The following SVOPL variants were observed in gnomAD, a reference collection of about 807,000 sequenced individuals.
SVOPL encodes the protein putative transporter SVOPL.
SVOPL carries 60 observed loss-of-function variants against 61.0 expected under a neutral mutation model. That is an observed-to-expected ratio of 0.98 (90% CI 0.80 to 1.22). The LOEUF is 1.22. Ranked by LOEUF, SVOPL falls within the 50% of genes most tolerant of loss-of-function variation. The probability of loss-of-function intolerance (pLI) is 0.00; values close to 1 mark genes in which losing one functional copy is unlikely to be tolerated. For synonymous variants in SVOPL, 279 were observed against 250.0 expected, an observed-to-expected ratio of 1.12 and a Z score of -1.09; for missense variants, 662 against 643.9, an observed-to-expected ratio of 1.03 and a Z score of -0.30.
chr7:138,695,382 C>G (rs1043815777), intron 1 of SVOPL, among the ~76,000 whole-genome samples: 3 of 152,110 alleles, frequency 2.0e-5, no homozygotes, highest in Admixed American at 2.0e-4. Context: ...TGTGGTGGAG[C>G]CCACCTGTAG....
intron 13 of SVOPL, among the ~76,000 whole-genome samples, chr7:138,622,592 C>T (rs914931146): frequency 6.6e-6 from 1 of 152,180 alleles, no homozygotes; most frequent in East Asian, 1.9e-4. Context: ...CAGGCGTGAG[C>T]CACCATGCCC....
intron 13 of SVOPL, among the ~76,000 whole-genome samples, chr7:138,623,531 T>C (rs982508527): frequency 4.6e-5 from 7 of 151,396 alleles, no homozygotes; most frequent in Admixed American, 6.6e-5. Context: ...ACCCGGGAGG[T>C]GGAGCTTGCA....
intron 1 of SVOPL, among the ~76,000 whole-genome samples, chr7:138,685,325 A>G (rs188801740): frequency 6.6e-6 from 1 of 152,334 alleles, no homozygotes; most frequent in Non-Finnish European, 1.5e-5. Flanking sequence ...AAATTAAACA[A>G]GCCAGGCACA....
intron 9 of SVOPL, among the ~76,000 whole-genome samples, chr7:138,639,368 T>C (rs1159208401): frequency 1.3e-5 from 2 of 152,092 alleles, no homozygotes; most frequent in Non-Finnish European, 2.9e-5. Flanking sequence ...GGCTCATGCC[T>C]GTAATCCCAG....
chr7:138,689,160 C>T (rs557021948), intron 1 of SVOPL: 14 of 977,162 alleles, frequency 1.4e-5, no homozygotes, highest in African/African-American at 4.8e-5. Context: ...CGTACCATTC[C>T]GATGTTACAA....
At chr7:138,662,404 G>A (rs866592754) in intron 5 of SVOPL, 8 of 985,426 alleles carry the variant, frequency 8.1e-6, no homozygotes, top group Middle Eastern at 1.0e-3. Context: ...CCAAAATTAA[G>A]GGAGACTTGC....
chr7:138,675,482 T>C (rs1302998227), intron 3 of SVOPL, among the ~76,000 whole-genome samples: 4 of 151,920 alleles, frequency 2.6e-5, no homozygotes, highest in Admixed American at 2.6e-4. Flanking sequence ...GCCTTCCGAG[T>C]AGCTGGGATT....
intron 14 of SVOPL, among the ~76,000 whole-genome samples, chr7:138,617,471 C>T (rs1659819): frequency 0.16 from 23,645 of 152,110 alleles, 2,289 homozygotes; most frequent in East Asian, 0.25. Context: ...AACTCATCTC[C>T]CAGTCCTCCC....
At chr7:138,661,815 C>T (rs1292275079) in intron 5 of SVOPL, 12 of 973,998 alleles carry the variant, frequency 1.2e-5, no homozygotes, top group South Asian at 4.7e-5. Context: ...GTATGACTTC[C>T]GAGCTGCAAT....
intron 9 of SVOPL, 72 bp from the exon 10 acceptor site, chr7:138,630,194 G>A (rs765800413): frequency 3.2e-6 from 4 of 1,262,466 alleles, no homozygotes; most frequent in Middle Eastern, 1.9e-4. Flanking sequence ...CACTGTTTTC[G>A]ATCATAGAAG....
At chr7:138,672,459 G>C (rs142691373) in intron 3 of SVOPL, among the ~76,000 whole-genome samples, 29 of 152,170 alleles carry the variant, frequency 1.9e-4, no homozygotes, top group African/African-American at 7.0e-4. Context: ...CTAGCTAACC[G>C]GCAGCATCCA....
intron 9 of SVOPL, among the ~76,000 whole-genome samples, chr7:138,637,475 G>GATATCT: frequency 7.1e-5 from 1 of 14,146 alleles, no homozygotes; most frequent in South Asian, 2.4e-3. Flanking sequence ...TATAGATATA[G>GATATCT]ATATAGATAT....
intron 1 of SVOPL, among the ~76,000 whole-genome samples, chr7:138,686,133 C>T (rs567320286): frequency 2.0e-5 from 3 of 149,080 alleles, no homozygotes; most frequent in East Asian, 2.0e-4. Flanking sequence ...CCAGGTGCCA[C>T]GGCTCACGCC....
At chr7:138,689,113 C>T (rs55840942) in intron 1 of SVOPL, 12 of 800,718 alleles carry the variant, frequency 1.5e-5, no homozygotes, top group African/African-American at 3.4e-5. Context: ...TGAAAAGCCA[C>T]GAAGTATCTG....
Position 138,624,940 on chromosome 7 carries a change from G to A in SVOPL, c.1263+1029C>T, listed in dbSNP as rs1030413606. On this transcript the variant is annotated intron_variant, in intron 13 of 15. Transcript: ENST00000674285. Reference sequence around the variant, plus strand: ...TGGTCTTGAACTCCTGGCTTCAGGTGATTCTCCCACCTCAGCCTCCCAAAT... The same window carrying A: ...TGGTCTTGAACTCCTGGCTTCAGGTAATTCTCCCACCTCAGCCTCCCAAAT... The A allele has an allele frequency of 3.9e-5, 6 of 152,162 alleles. No individual in the cohort carries two copies. In the East Asian group the frequency reaches 9.7e-4, roughly 25 times the overall value. The allele number at this position is 152,162 out of a possible 1,614,324, so 9.4% of individuals were successfully genotyped here. A position where few individuals can be genotyped will look rare whatever the true frequency, so the allele number is the denominator to read the frequency against.
intron 5 of SVOPL, chr7:138,660,492 T>C (rs1326760243): frequency 2.0e-5 from 20 of 986,024 alleles, no homozygotes; most frequent in Non-Finnish European, 2.4e-5. Flanking sequence ...CTTCTCTGTT[T>C]ATGAGAGAAA....
chr7:138,684,422 CA>C (rs997192530), intron 1 of SVOPL, among the ~76,000 whole-genome samples: 7 of 150,828 alleles, frequency 4.6e-5, no homozygotes, highest in African/African-American at 1.7e-4. Flanking sequence ...TCAAAAAACT[CA>C]AATGATGGGC....
chr7:138,679,818 CA>C (rs1802660534), intron 1 of SVOPL, among the ~76,000 whole-genome samples: 1 of 152,196 alleles, frequency 6.6e-6, no homozygotes, highest in South Asian at 2.1e-4. Context: ...TGTCACTAAT[CA>C]TTATCCTGAA....
At chr7:138,603,554 C>T (rs1173362051) in intron 14 of SVOPL, among the ~76,000 whole-genome samples, 1 of 152,150 alleles carries the variant, frequency 6.6e-6, no homozygotes. Context: ...CACCTGGGGT[C>T]CCAGCTACTC....
Sources: gnomAD v4.1 joint callset for allele counts (sites outside exome capture counted in the v4.1 genomes callset) on GRCh38, gnomAD v4.1.1 for gene constraint, MANE v1.5 for transcripts, NCBI Gene and HGNC (gene_info 2026-07-23, HGNC 2026-07-21) for gene names.